The following TMC2 variants were observed in gnomAD, a reference collection of about 807,000 sequenced individuals.
TMC2 encodes transmembrane channel-like protein 2.
TMC2 carries 102 observed loss-of-function variants against 105.9 expected under a neutral mutation model. The observed-to-expected ratio is 0.96, with a 90% CI of 0.82 to 1.14. The LOEUF is 1.14. Among genes scored for constraint, TMC2 ranks in the 50% most tolerant of loss-of-function variants. The pLI, the probability that TMC2 is intolerant of heterozygous loss-of-function variation, is 0.00. For missense variants in TMC2, 1,093 were observed against 1,134.3 expected, an observed-to-expected ratio of 0.96 and a Z score of 0.52; for synonymous variants, 402 against 422.8, an observed-to-expected ratio of 0.95 and a Z score of 0.60.
At chr20:2,549,558 C>T (rs1020389478) in intron 2 of TMC2, among the ~76,000 whole-genome samples, 1 of 152,056 alleles carries the variant, frequency 6.6e-6, no homozygotes, top group Non-Finnish European at 1.5e-5. Flanking sequence ...GCCTGGCCAA[C>T]ACGGTGAAAC....
Position 2,558,573 on chromosome 20 carries a change from G to C in TMC2, c.200G>C (p.Gly67Ala). Residue 67 changes from glycine (G) to alanine (A), a missense_variant, in exon 3 of 20, where the codon GGG becomes GCG. Physicochemically the swap from Gly to Ala is moderately conservative, Grantham distance 60. Coordinates refer to ENST00000358864, the MANE Select transcript of TMC2 (RefSeq NM_080751.3). The surrounding 1 kb of genome is among the most constrained non-coding windows in gnomAD (Gnocchi z 4.6). ...KERAGGSPSP[G>A]SPRRKQTGRR... The stretch of plus-strand genomic sequence containing the variant: ...CGCGCCGGGGGCAGCCCAAGCCCGG[G>C]GTCTCCCCGGAGGAAGCAAACAGGG... 6.4e-7 allele frequency: 1 copy of C among 1,553,236 alleles called. No individual in the cohort carries two copies. The highest frequency in any genetic ancestry group is 8.7e-7 in the Non-Finnish European group (1 of 1,148,048).
intron 2 of TMC2, among the ~76,000 whole-genome samples, chr20:2,540,706 C>T (rs1391718044): frequency 1.3e-5 from 2 of 151,652 alleles, no homozygotes; most frequent in Non-Finnish European, 2.9e-5. Context: ...GCTTCAGACC[C>T]ATGTTTGGTG....
At chr20:2,619,721 G>A (rs1441074826) in intron 16 of TMC2, among the ~76,000 whole-genome samples, 1 of 152,158 alleles carries the variant, frequency 6.6e-6, no homozygotes, top group Non-Finnish European at 1.5e-5. Context: ...GATTTAGCCA[G>A]GCTGAAAGGA....
At chr20:2,559,335 T>C (rs2033734820) in intron 3 of TMC2, among the ~76,000 whole-genome samples, 1 of 152,198 alleles carries the variant, frequency 6.6e-6, no homozygotes, top group Non-Finnish European at 1.5e-5. Flanking sequence ...TTATTTGTTT[T>C]GCCTCCTTTG....
At chr20:2,593,188 A>G (rs546981047) in intron 8 of TMC2, among the ~76,000 whole-genome samples, 2 of 152,222 alleles carry the variant, frequency 1.3e-5, no homozygotes, top group East Asian at 3.9e-4. Flanking sequence ...AAATGCCAGA[A>G]ACTTATCAGA....
At chr20:2,635,043 AACT>A (rs2086631585) in intron 17 of TMC2, among the ~76,000 whole-genome samples, 1 of 152,288 alleles carries the variant, frequency 6.6e-6, no homozygotes, top group Admixed American at 6.5e-5. Context: ...CATGGAGAAA[AACT>A]ACTAATAAGG....
chr20:2,598,410 A>C (rs147232490), intron 10 of TMC2, among the ~76,000 whole-genome samples: 4,317 of 150,364 alleles, frequency 0.029, 212 homozygotes, highest in African/African-American at 0.098. Context: ...TTATTTATTT[A>C]TTTATTTATT....
chr20:2,635,679 C>T (rs976566287), intron 17 of TMC2, among the ~76,000 whole-genome samples: 4 of 152,196 alleles, frequency 2.6e-5, no homozygotes, highest in Non-Finnish European at 5.9e-5. Context: ...GGGATGATTC[C>T]TCCAGCCAAC....
Position 2,641,258 on chromosome 20 carries a change from C to T in TMC2, c.2628C>T (p.Pro876=), listed in dbSNP as rs781200691. 5 of 1,614,152 alleles carry T rather than the reference C, an allele frequency of 3.1e-6. No homozygotes were observed. The highest frequency in any genetic ancestry group is 2.5e-6 in the Non-Finnish European group (3 of 1,180,038). ...CTGGACACCTTCCTATATCTCGGCC[C>T]CCTGGAATCGGACCAGATTCTGGCC... ...PASGHLPISR[P]PGIGPDSGHA... The change falls in exon 20 of 20, where the codon CCC becomes CCT. Residue 876 remains proline, a synonymous_variant. Coordinates refer to ENST00000358864, the MANE Select transcript of TMC2 (RefSeq NM_080751.3).
rs149017127 is a variant in TMC2 at position 2,628,459 on chromosome 20, G to A, written c.2306+4063G>A. The stretch of plus-strand genomic sequence containing the variant: ...TTGTATTCAGTCACTGATATAGTTA[G>A]GCTTTGTGCCCCCATCCACATTTCA... On this transcript the variant is annotated intron_variant, in intron 17 of 19. Transcript: ENST00000358864. Among the ~76,000 whole-genome samples the A allele has an allele frequency of 4.1e-3, 618 of 152,034 alleles. 2 individuals carry two copies. The highest frequency in any genetic ancestry group is 0.014 in the African/African-American group (590 of 41,484).
intron 11 of TMC2, among the ~76,000 whole-genome samples, chr20:2,607,826 A>C (rs2086404741): frequency 6.6e-6 from 1 of 152,156 alleles, no homozygotes. Context: ...CGGGAGATTC[A>C]AAAATCATGC....
intron 17 of TMC2, among the ~76,000 whole-genome samples, chr20:2,632,163 C>T (rs910441391): frequency 4.6e-5 from 7 of 151,860 alleles, no homozygotes; most frequent in East Asian, 1.9e-4. Context: ...CTGGGATTAC[C>T]GGCATGTGCC....
At chr20:2,620,227 G>A (rs2086515328) in intron 16 of TMC2, among the ~76,000 whole-genome samples, 1 of 152,316 alleles carries the variant, frequency 6.6e-6, no homozygotes, top group Middle Eastern at 3.4e-3. Flanking sequence ...TGTTGAGTAA[G>A]TAACTGATAA....
At chr20:2,641,090 C>G in intron 19 of TMC2, 44 bp from the exon 20 acceptor site, 1 of 1,575,328 alleles carries the variant, frequency 6.3e-7, no homozygotes. Flanking sequence ...CCAACCTGTA[C>G]AAAATCTCCC....
rs548776526 is a variant in TMC2, at chr20:2,610,537, C to T, written c.1532C>T (p.Ala511Val). ...AAGTGGCAGCTGGGACGCATCTTTG[C>T]ACTCTTCCTGGGGAACCTCTACACA... ...GLKWQLGRIF[A>V]LFLGNLYTFL... is the part of the protein sequence containing the mutation. The change falls in exon 12 of 20, where the codon GCA becomes GTA. Residue 511 changes from alanine (A) to valine (V), a missense_variant. Ala to Val is a moderately conservative substitution (Grantham distance 64). Transcript: ENST00000358864. The T allele has an allele frequency of 6.2e-7, 1 of 1,613,704 alleles. No homozygotes were observed. The highest frequency in any genetic ancestry group is 1.1e-5 in the South Asian group (1 of 91,024).
At chr20:2,577,984 T>A (rs6515578) in intron 5 of TMC2, among the ~76,000 whole-genome samples, 21,742 of 152,078 alleles carry the variant, frequency 0.14, 2,117 homozygotes, top group African/African-American at 0.27. Flanking sequence ...TACAGGGGAA[T>A]ATCTCATGTC....
chr20:2,605,185 T>C (rs1274398053), intron 11 of TMC2, among the ~76,000 whole-genome samples: 2 of 151,778 alleles, frequency 1.3e-5, no homozygotes, highest in African/African-American at 4.8e-5. Flanking sequence ...AGAAAATTGG[T>C]TGGTATGGGA....
At chr20:2,555,291 C>T (rs1009970335) in intron 2 of TMC2, among the ~76,000 whole-genome samples, 8 of 151,602 alleles carry the variant, frequency 5.3e-5, no homozygotes, top group Non-Finnish European at 1.0e-4. Context: ...ATGTTGGCCA[C>T]GCTGGTCTCG....
chr20:2,560,836 C>CAA (rs67659988), intron 3 of TMC2, among the ~76,000 whole-genome samples: 1 of 126,146 alleles, frequency 7.9e-6, no homozygotes, highest in Non-Finnish European at 1.7e-5. Flanking sequence ...GACTCCATCT[C>CAA]AAAAAAAAAA....
Sources: allele counts gnomAD v4.1 joint callset (sites outside exome capture counted in the v4.1 genomes callset), GRCh38; gene constraint gnomAD v4.1.1; non-coding constraint Gnocchi (gnomAD v3.1); transcripts MANE v1.5; gene names NCBI Gene and HGNC (gene_info 2026-07-23, HGNC 2026-07-21).